The following LRFN5 variants were observed in gnomAD, a reference collection of about 807,000 sequenced individuals.
LRFN5 encodes the protein leucine rich repeat and fibronectin type III domain containing 5.
LRFN5 carries 24 observed loss-of-function variants against 45.6 expected under a neutral mutation model. The ratio of observed to expected loss-of-function variants is 0.53; its 90% CI spans 0.38 to 0.74. The LOEUF (loss-of-function observed/expected upper bound fraction) is 0.74, where lower values mean the gene tolerates loss of function less well. Ranked by LOEUF, LRFN5 falls within the 30% of genes least tolerant of loss-of-function variation. The pLI is 0.00. For synonymous variants in LRFN5, 340 were observed against 313.8 expected, an observed-to-expected ratio of 1.08 and a Z score of -0.88; for missense variants, 776 against 861.5, an observed-to-expected ratio of 0.90 and a Z score of 1.24.
chr14:41,787,094 T>A (rs1300515639), intron 2 of LRFN5, among the ~76,000 whole-genome samples: 2 of 152,042 alleles, frequency 1.3e-5, no homozygotes, highest in East Asian at 3.9e-4. Flanking sequence ...TTGCTAATTC[T>A]GTTATCTCTT....
chr14:41,853,823 G>A (rs375936509), intron 2 of LRFN5, among the ~76,000 whole-genome samples: 1 of 152,126 alleles, frequency 6.6e-6, no homozygotes, highest in African/African-American at 2.4e-5. Context: ...GCAATGTTTA[G>A]ATACCAGCTA....
At chr14:41,677,662 A>C (rs1030080551) in intron 1 of LRFN5, among the ~76,000 whole-genome samples, 17 of 152,142 alleles carry the variant, frequency 1.1e-4, no homozygotes, top group African/African-American at 3.9e-4. Context: ...AGAAGAGAGA[A>C]TCAGCAGACT....
intron 2 of LRFN5, among the ~76,000 whole-genome samples, chr14:41,810,632 G>A (rs1348540251): frequency 6.6e-6 from 1 of 152,014 alleles, no homozygotes; most frequent in East Asian, 1.9e-4. Flanking sequence ...TTCTGAGGTA[G>A]AGTGAAAATG....
intron 1 of LRFN5, among the ~76,000 whole-genome samples, chr14:41,724,456 G>T (rs1029790025): frequency 1.3e-5 from 2 of 151,926 alleles, no homozygotes; most frequent in African/African-American, 4.8e-5. Context: ...TTACCAACTA[G>T]CTAATACCTT....
intron 1 of LRFN5, among the ~76,000 whole-genome samples, chr14:41,747,817 A>C (rs1884982591): frequency 6.6e-6 from 1 of 152,026 alleles, no homozygotes; most frequent in South Asian, 2.1e-4. Flanking sequence ...AAACTCAACA[A>C]GAAATAAGCC....
intron 1 of LRFN5, among the ~76,000 whole-genome samples, chr14:41,750,800 G>A (rs949605611): frequency 1.3e-5 from 2 of 152,076 alleles, no homozygotes; most frequent in African/African-American, 4.8e-5. Context: ...GCAGAAGAGA[G>A]CACACAGGGG....
At chr14:41,633,344 T>C (rs1448437783) in intron 1 of LRFN5, among the ~76,000 whole-genome samples, 2 of 152,194 alleles carry the variant, frequency 1.3e-5, no homozygotes, top group African/African-American at 4.8e-5. Flanking sequence ...AATTCTTCAA[T>C]TTTGTGACTT....
intron 1 of LRFN5, among the ~76,000 whole-genome samples, chr14:41,732,930 C>G (rs1884243079): frequency 7.2e-6 from 1 of 139,144 alleles, no homozygotes; most frequent in African/African-American, 2.5e-5. Flanking sequence ...CTAAAAAGTA[C>G]CAGAAAAGAA....
In LRFN5 at chr14:41,891,285, A is replaced by G; in HGVS notation, c.1421A>G (p.Asn474Ser). 6.2e-7 allele frequency: 1 copy of G among 1,614,036 alleles called. No homozygotes were observed. The highest frequency in any genetic ancestry group is 2.2e-5 in the East Asian group (1 of 44,870). ...CCTACGAGCAAAACTTTTCTGGTCA[A>G]TAATCTGGCTGCTGGAACTATGTAT... ...IPPTSKTFLV[N>S]NLAAGTMYDL... Residue 474 changes from asparagine (N) to serine (S), a missense_variant, in exon 4 of 6, where the codon AAT becomes AGT. This residue lies in a region of LRFN5 where 465 missense variants were observed against 456.4 expected (regional missense o/e 1.02). Transcript: ENST00000298119.
At chr14:41,677,777 TGTGA>T (rs1418058101) in intron 1 of LRFN5, among the ~76,000 whole-genome samples, 2 of 152,068 alleles carry the variant, frequency 1.3e-5, no homozygotes, top group African/African-American at 2.4e-5. Context: ...ATATATATGT[TGTGA>T]GTATCAAAAG....
intron 2 of LRFN5, among the ~76,000 whole-genome samples, chr14:41,880,752 A>C (rs538804741): frequency 6.6e-6 from 1 of 152,222 alleles, no homozygotes; most frequent in South Asian, 2.1e-4. Context: ...GTAACTGTGG[A>C]TTTAAAAAAA....
At chr14:41,794,378 T>G (rs1887044031) in intron 2 of LRFN5, among the ~76,000 whole-genome samples, 1 of 152,084 alleles carries the variant, frequency 6.6e-6, no homozygotes, top group South Asian at 2.1e-4. Context: ...TTCTACTGTA[T>G]TTTAAAAATT....
In LRFN5 at chr14:41,891,462, T is replaced by C; in HGVS notation, c.1598T>C (p.Ile533Thr). 1.9e-6 allele frequency: 3 copies of C among 1,614,164 alleles called. No homozygotes were observed. The highest frequency in any genetic ancestry group is 2.5e-6 in the Non-Finnish European group (3 of 1,180,002). ...TTGGGAGGCACCATGATTATTATTA[T>C]TGGTGGAATCATTGTAGCATCTGTG... The part of the protein sequence containing the change: ...QFLGGTMIII[I>T]GGIIVASVLV... The change falls in exon 4 of 6, where the codon ATT (isoleucine) becomes ACT (threonine). Residue 533 changes from isoleucine (I) to threonine (T), a missense_variant. Transcript: ENST00000298119.
chr14:41,792,847 A>C (rs1217235420), intron 2 of LRFN5, among the ~76,000 whole-genome samples: 1 of 152,072 alleles, frequency 6.6e-6, no homozygotes, highest in Non-Finnish European at 1.5e-5. Flanking sequence ...CAAAGATAAC[A>C]GGATTAAGAG....
At chr14:41,674,002 C>T (rs1189915190) in intron 1 of LRFN5, among the ~76,000 whole-genome samples, 5 of 146,770 alleles carry the variant, frequency 3.4e-5, no homozygotes, top group African/African-American at 1.3e-4. Context: ...ACGCTGCTCA[C>T]TTCCCAGACG....
intron 1 of LRFN5, among the ~76,000 whole-genome samples, chr14:41,755,391 T>A (rs1885327970): frequency 6.6e-6 from 1 of 152,226 alleles, no homozygotes; most frequent in Non-Finnish European, 1.5e-5. Flanking sequence ...TATTATTGTG[T>A]GGGAGTCTAA....
chr14:41,710,889 G>A (rs1012686821), intron 1 of LRFN5, among the ~76,000 whole-genome samples: 7 of 125,652 alleles, frequency 5.6e-5, no homozygotes, highest in African/African-American at 1.7e-4. Flanking sequence ...CTGTCCTTGC[G>A]ACAGAATGAT....
At chr14:41,779,344 T>C (rs1372829958) in intron 2 of LRFN5, among the ~76,000 whole-genome samples, 1 of 151,914 alleles carries the variant, frequency 6.6e-6, no homozygotes, top group Non-Finnish European at 1.5e-5. Flanking sequence ...TCATGGTGTA[T>C]AATTTTTCAT....
chr14:41,740,743 A>C (rs1195580584), intron 1 of LRFN5, among the ~76,000 whole-genome samples: 1 of 151,940 alleles, frequency 6.6e-6, no homozygotes, highest in South Asian at 2.1e-4. Flanking sequence ...GCCTCCATAA[A>C]GGAAAAAAAG....
Sources: allele counts gnomAD v4.1 joint callset (sites outside exome capture counted in the v4.1 genomes callset), GRCh38; gene constraint gnomAD v4.1.1; regional missense constraint gnomAD v4.1.1; transcripts MANE v1.5; gene names NCBI Gene and HGNC (gene_info 2026-07-23, HGNC 2026-07-21).